Variants in TNNT2 observed in about 807,000 individuals in gnomAD.
TNNT2 encodes the protein troponin T2, cardiac type, also known as troponin T, cardiac muscle.
Under a neutral mutation model 62.4 loss-of-function variants are expected in TNNT2, and 34 were observed. That is an observed-to-expected ratio of 0.54 (90% CI 0.41 to 0.72). TNNT2 has a LOEUF of 0.72. Ranked by LOEUF, TNNT2 falls within the 30% of genes least tolerant of loss-of-function variation. TNNT2 has a pLI of 0.00. For missense variants in TNNT2, 275 were observed against 381.9 expected (o/e 0.72, Z 2.33); for synonymous variants, 123 against 127.2 (o/e 0.97, Z 0.22).
chr1:201,365,475 G>A, intron 9 of TNNT2, 135 bp downstream of exon 9: 1 of 1,216,642 alleles, frequency 8.2e-7, no homozygotes, highest in African/African-American at 1.5e-5. Context: ...CTCATGGATG[G>A]GCACCCAGCC....
At position 201,361,950 on chromosome 1, in the gene TNNT2, C is replaced by G. The variant is rs397516479; in HGVS notation, c.682G>C (p.Val228Leu). The G allele has an allele frequency of 6.2e-7, 1 of 1,614,236 alleles. No homozygotes were observed. Residue 228 changes from valine to leucine, a missense_variant, in exon 14 of 17, where the codon GTG becomes CTG. By Grantham distance (32) the Val-to-Leu change is conservative. Coordinates refer to ENST00000656932, the MANE Select transcript of TNNT2 (RefSeq NM_001276345.2). ...KKKILAERRK[V>L]LAIDHLNEDQ... ...TCATTCAGGTGGTCAATGGCCAGCA[C>G]CTTCCTCCTCTCAGCCAGAATCTTC... is the stretch of plus-strand genomic sequence containing the variant.
In TNNT2 at chr1:201,372,133, G is replaced by A. The variant is rs199865577; in HGVS notation, c.52+12C>T. On this transcript the variant is annotated intron_variant, in intron 3 of 16. Transcript: ENST00000656932. The stretch of plus-strand genomic sequence containing the variant: ...GTCTTTGATCCAAATGAGTACACAC[G>A]TTTACGCTTACCTTCCTGCTCCCTG... 3.0e-5 allele frequency: 48 copies of A among 1,614,014 alleles called. No individual in the cohort carries two copies. The highest frequency in any genetic ancestry group is 3.7e-5 in the Non-Finnish European group (44 of 1,180,040).
rs898084172 is a variant in TNNT2, at chr1:201,362,216, G to T, written c.609+170C>A. The T allele has an allele frequency of 7.1e-6, 9 of 1,274,000 alleles. No homozygotes were observed. In the African/African-American group the frequency reaches 8.9e-5, roughly 13 times the overall value. The allele number at this position is 1,274,000 out of a possible 1,614,324, so 78.9% of individuals were successfully genotyped here. A position where few individuals can be genotyped will look rare whatever the true frequency, so the allele number is the denominator to read the frequency against. ...CTGAGGTAGGGGCAAGAAGGATCAC[G>T]TCAGTCTCTTCCTTCTTTGCCTAAC... On this transcript the variant is annotated intron_variant, in intron 13 of 16. Coordinates refer to ENST00000656932, the MANE Select transcript of TNNT2 (RefSeq NM_001276345.2).
intron 1 of TNNT2, among the ~76,000 whole-genome samples, chr1:201,376,556 C>T (rs1661425363): frequency 6.6e-6 from 1 of 152,124 alleles, no homozygotes; most frequent in African/African-American, 2.4e-5. Flanking sequence ...AGGAGGCAGC[C>T]AGCAACCTGA....
At chr1:201,361,496 C>T (rs1354986952) in intron 14 of TNNT2, 127 bp from the exon 15 acceptor site, 1 of 905,158 alleles carries the variant, frequency 1.1e-6, no homozygotes, top group Non-Finnish European at 1.8e-6. Flanking sequence ...CCAAGGGTAC[C>T]CCAGCCCACC....
intron 1 of TNNT2, chr1:201,374,170 G>T (rs1306385484): frequency 6.6e-6 from 1 of 152,076 alleles, no homozygotes; most frequent in Non-Finnish European, 1.5e-5. Context: ...TACTAATTTT[G>T]CAAATGTTGC....
Position 201,367,752 on chromosome 1 carries a change from T to A in TNNT2, c.199+19A>T. On this transcript the variant is annotated intron_variant, in intron 7 of 16. Coordinates refer to ENST00000656932, the MANE Select transcript of TNNT2 (RefSeq NM_001276345.2). ...GGGGTTCCTTTGCCTCCCTTGTACCTCTCTCCTGATATCCTTACCTTCAGC... is the reference window on the plus strand; with the variant it reads ...GGGGTTCCTTTGCCTCCCTTGTACCACTCTCCTGATATCCTTACCTTCAGC... 1.2e-6 allele frequency: 2 copies of A among 1,614,054 alleles called. No individual in the cohort carries two copies. The highest frequency in any genetic ancestry group is 4.5e-5 in the East Asian group (2 of 44,884).
intron 1 of TNNT2, chr1:201,374,633 A>G (rs927555169): frequency 6.6e-6 from 1 of 152,256 alleles, no homozygotes; most frequent in African/African-American, 2.4e-5. Flanking sequence ...TGGCAAGGTC[A>G]CTTAACCTCC....
intron 4 of TNNT2, 37 bp downstream of exon 4, chr1:201,371,990 G>T (rs1328235970): frequency 6.2e-7 from 1 of 1,613,794 alleles, no homozygotes; most frequent in Non-Finnish European, 8.5e-7. Context: ...TGCTGAGCCT[G>T]CCCCTTTCTG....
chr1:201,374,000 G>T, intron 1 of TNNT2: 1 of 154,498 alleles, frequency 6.5e-6, no homozygotes, highest in Non-Finnish European at 1.4e-5. Flanking sequence ...GGATCCTTGT[G>T]GTTTGGGATC....
chr1:201,368,344 A>C, intron 5 of TNNT2, 117 bp from the exon 6 acceptor site: 2 of 1,103,506 alleles, frequency 1.8e-6, no homozygotes, highest in African/African-American at 1.5e-5. Flanking sequence ...GTCTAGGTCC[A>C]GATGAATTTG....
intron 4 of TNNT2, among the ~76,000 whole-genome samples, chr1:201,371,156 T>G (rs1436841932): frequency 6.6e-6 from 1 of 151,816 alleles, no homozygotes; most frequent in African/African-American, 2.4e-5. Flanking sequence ...TCTCCTAATA[T>G]CTACATGCCA....
At chr1:201,361,756 C>A (rs542679250) in intron 14 of TNNT2, among the ~76,000 whole-genome samples, 157 bp downstream of exon 14, 6 of 152,344 alleles carry the variant, frequency 3.9e-5, no homozygotes, top group Non-Finnish European at 8.8e-5. Flanking sequence ...GTTGGCCCGA[C>A]CTGCTGGGGC....
rs1892028 is a variant in TNNT2, at chr1:201,367,513, G to A, written c.199+258C>T. ...GTGGATATGACTTCTGGGTCCCATT[G>A]CTCTGTCCAGACCAGGGGGCTGGAC... On this transcript the variant is annotated intron_variant, in intron 7 of 16. Coordinates refer to ENST00000656932, the MANE Select transcript of TNNT2 (RefSeq NM_001276345.2). 0.59 allele frequency: 350,430 copies of A among 595,292 alleles called. 106,182 individuals are homozygous for A. The highest frequency in any genetic ancestry group is 0.66 in the Admixed American group (22,504 of 33,982). The allele number at this position is 595,292 out of a possible 1,614,324, so 36.9% of individuals were successfully genotyped here.
intron 2 of TNNT2, 57 bp downstream of exon 2, chr1:201,373,157 G>A (rs750991339): frequency 1.9e-6 from 3 of 1,559,112 alleles, no homozygotes; most frequent in Admixed American, 1.7e-5. Flanking sequence ...CCTGGACCAG[G>A]TGTCAGGGCA....
chr1:201,359,381 T>C, intron 16 of TNNT2, 126 bp from the exon 17 acceptor site: 1 of 1,228,100 alleles, frequency 8.1e-7, no homozygotes, highest in Non-Finnish European at 1.2e-6. Context: ...AGGGGCAGAA[T>C]AGGACAGCAG....
At chr1:201,368,905 G>A (rs539044850) in intron 5 of TNNT2, among the ~76,000 whole-genome samples, 16 of 152,334 alleles carry the variant, frequency 1.1e-4, no homozygotes, top group Admixed American at 3.9e-4. Context: ...AGACACCATC[G>A]TGGGAGAAGG....
intron 6 of TNNT2, 33 bp downstream of exon 6, chr1:201,368,129 C>A (rs770683881): frequency 6.2e-7 from 1 of 1,612,068 alleles, no homozygotes; most frequent in East Asian, 2.2e-5. Flanking sequence ...TCGCCACCCC[C>A]TGAGGCCCCT....
In TNNT2 at chr1:201,359,119, TG is replaced by T. The variant is rs1291383214; in HGVS notation, c.*90del. On this transcript the variant is annotated 3_prime_UTR_variant, in exon 17 of 17. Transcript: ENST00000656932. ...TCCCCATTTCCAAACAGGAGCTGCC[TG>T]GGGTGCCCAGGAGGGCCCGGGAACT... 9.8e-6 allele frequency: 15 copies of T among 1,524,886 alleles called. No homozygotes were observed. The highest frequency in any genetic ancestry group is 2.0e-5 in the Admixed American group (1 of 51,216). The allele number at this position is 1,524,886 out of a possible 1,614,324, so 94.5% of individuals were successfully genotyped here.
Sources: gnomAD v4.1 joint callset for allele counts (sites outside exome capture counted in the v4.1 genomes callset) on GRCh38, gnomAD v4.1.1 for gene constraint, MANE v1.5 for transcripts, NCBI Gene and HGNC (gene_info 2026-07-23, HGNC 2026-07-21) for gene names.